Variants in AUTS2 observed in about 807,000 individuals in gnomAD.
The protein encoded by AUTS2 is activator of transcription and developmental regulator AUTS2.
A neutral mutation model predicts 112.4 loss-of-function variants in AUTS2; 17 were observed. That is an observed-to-expected ratio of 0.15 (90% CI 0.10 to 0.23). The LOEUF is 0.23. AUTS2 is among the 10% of genes least tolerant of loss of function. The pLI is 1.00. For synonymous variants in AUTS2, 751 were observed against 702.7 expected (o/e 1.07, Z -1.09); for missense variants, 1,510 against 1,701.6 (o/e 0.89, Z 1.98).
At chr7:70,495,235 TAA>T (rs34861688) in intron 5 of AUTS2, among the ~76,000 whole-genome samples, 1,139 of 102,734 alleles carry the variant, frequency 0.011, 8 homozygotes, top group African/African-American at 0.037. Flanking sequence ...ACCTTTTCTT[TAA>T]AAAAAAAAAA....
At chr7:70,716,784 T>C (rs1810398253) in intron 6 of AUTS2, among the ~76,000 whole-genome samples, 1 of 151,756 alleles carries the variant, frequency 6.6e-6, no homozygotes, top group African/African-American at 2.4e-5. Context: ...AGAGGTTCAG[T>C]ATAGCACCAT....
chr7:70,779,741 G>T (rs1038866859), intron 14 of AUTS2, among the ~76,000 whole-genome samples: 3 of 152,148 alleles, frequency 2.0e-5, no homozygotes, highest in African/African-American at 7.2e-5. Flanking sequence ...CGGGAGATCA[G>T]AAGAGTAGCC....
chr7:70,731,166 G>A (rs1181851278), intron 6 of AUTS2, among the ~76,000 whole-genome samples: 1 of 151,976 alleles, frequency 6.6e-6, no homozygotes, highest in Admixed American at 6.6e-5. Flanking sequence ...AAAATGATGT[G>A]CAAATATTTT....
At chr7:69,917,989 C>T (rs1795658817) in intron 2 of AUTS2, among the ~76,000 whole-genome samples, 1 of 151,988 alleles carries the variant, frequency 6.6e-6, no homozygotes, top group Admixed American at 6.6e-5. Context: ...ACTACAGGTG[C>T]CCGCCACCAC....
At chr7:70,651,459 T>A (rs896442859) in intron 5 of AUTS2, among the ~76,000 whole-genome samples, 6 of 152,228 alleles carry the variant, frequency 3.9e-5, no homozygotes, top group Non-Finnish European at 8.8e-5. Context: ...AAAAATGCAT[T>A]TAATACACTT....
chr7:70,548,795 A>G (rs1219068486), intron 5 of AUTS2, among the ~76,000 whole-genome samples: 2 of 152,088 alleles, frequency 1.3e-5, no homozygotes, highest in Non-Finnish European at 2.9e-5. Context: ...TGTCTTGATT[A>G]CTATAGCTTT....
intron 2 of AUTS2, among the ~76,000 whole-genome samples, chr7:70,012,995 T>G (rs1201803370): frequency 6.6e-6 from 1 of 152,174 alleles, no homozygotes; most frequent in African/African-American, 2.4e-5. Context: ...GAATATTTTA[T>G]AGAGAAAATT....
At chr7:69,926,441 G>GTCTATCTATCTA (rs1232593486) in intron 2 of AUTS2, among the ~76,000 whole-genome samples, 12 of 140,164 alleles carry the variant, frequency 8.6e-5, no homozygotes, top group African/African-American at 1.9e-4. Context: ...CTGTCTGTCT[G>GTCTATCTATCTA]TCTGTCTATC....
intron 5 of AUTS2, among the ~76,000 whole-genome samples, chr7:70,649,159 G>A (rs1417565491): frequency 6.7e-6 from 1 of 150,134 alleles, no homozygotes; most frequent in East Asian, 1.9e-4. Flanking sequence ...TGGAGGCTGA[G>A]GCAGGTGGAT....
intron 1 of AUTS2, among the ~76,000 whole-genome samples, chr7:69,726,421 T>G (rs1022895539): frequency 5.9e-5 from 9 of 152,342 alleles, no homozygotes; most frequent in African/African-American, 2.2e-4. Context: ...TACCACAATT[T>G]GTTTAATCAT....
intron 1 of AUTS2, among the ~76,000 whole-genome samples, chr7:69,666,257 A>T (rs1326141223): frequency 6.6e-6 from 1 of 152,208 alleles, no homozygotes; most frequent in African/African-American, 2.4e-5. Flanking sequence ...ACCAACATGT[A>T]TACATTCTTC....
Position 70,364,616 on chromosome 7 carries a change from A to G in AUTS2, c.661-71136A>G, listed in dbSNP as rs187231183. ...AAATAAATAAATAAATAAATAAATA[A>G]AAATTAAAAAGGGCTCAAAAGTCCT... On this transcript the variant is annotated intron_variant, in intron 4 of 18. Coordinates refer to ENST00000342771, the MANE Select transcript of AUTS2 (RefSeq NM_015570.4). Among the ~76,000 whole-genome samples, 570 of 142,224 alleles carry G rather than the reference A, an allele frequency of 4.0e-3. 3 individuals are homozygous for G. Among genetic ancestry groups the G allele is most frequent in the Middle Eastern group, 0.011 (3 of 268 alleles). 93.3% of individuals were successfully genotyped at this position (142,224 alleles called of 152,430 possible). A position where few individuals can be genotyped will look rare whatever the true frequency, so the allele number is the denominator to read the frequency against.
intron 4 of AUTS2, among the ~76,000 whole-genome samples, chr7:70,355,056 G>A (rs1178852499): frequency 1.3e-5 from 2 of 149,852 alleles, no homozygotes; most frequent in African/African-American, 4.9e-5. Context: ...GTGTGTGTGT[G>A]TATGTATGGG....
chr7:70,412,147 G>A (rs1014012196), intron 4 of AUTS2, among the ~76,000 whole-genome samples: 3 of 151,718 alleles, frequency 2.0e-5, no homozygotes, highest in Admixed American at 6.6e-5. Context: ...CACCTGCCTC[G>A]GCCTCCCAAA....
intron 5 of AUTS2, among the ~76,000 whole-genome samples, chr7:70,528,890 G>C (rs1018954441): frequency 3.9e-5 from 6 of 152,014 alleles, no homozygotes; most frequent in African/African-American, 9.7e-5. Flanking sequence ...AAAAAGTAAG[G>C]GTGGGCAAAG....
At chr7:70,349,881 G>A (rs1304336315) in intron 4 of AUTS2, among the ~76,000 whole-genome samples, 1 of 152,190 alleles carries the variant, frequency 6.6e-6, no homozygotes, top group Non-Finnish European at 1.5e-5. Context: ...CAGTCCAAGT[G>A]TCACACTGTG....
intron 5 of AUTS2, among the ~76,000 whole-genome samples, chr7:70,578,906 T>C (rs969317101): frequency 4.9e-5 from 7 of 143,122 alleles, no homozygotes; most frequent in African/African-American, 1.6e-4. Context: ...CTTCTTTCCT[T>C]TCTTTCTTTT....
At chr7:69,793,034 A>G (rs1168650375) in intron 1 of AUTS2, among the ~76,000 whole-genome samples, 1 of 152,130 alleles carries the variant, frequency 6.6e-6, no homozygotes, top group Non-Finnish European at 1.5e-5. Context: ...CCCTGGCTTC[A>G]GTATATCTTT....
intron 1 of AUTS2, among the ~76,000 whole-genome samples, chr7:69,697,185 A>G (rs925765242): frequency 1.3e-5 from 2 of 152,242 alleles, no homozygotes; most frequent in Non-Finnish European, 1.5e-5. Context: ...GGCCCCAGGC[A>G]TTGCTGATGC....
Sources: gnomAD v4.1 joint callset for allele counts (sites outside exome capture counted in the v4.1 genomes callset) on GRCh38, gnomAD v4.1.1 for gene constraint, MANE v1.5 for transcripts, NCBI Gene and HGNC (gene_info 2026-07-23, HGNC 2026-07-21) for gene names.